The following ACTC1 variants were observed in gnomAD, a reference collection of about 807,000 sequenced individuals.
ACTC1 encodes the protein actin, alpha cardiac muscle 1.
ACTC1 carries 10 observed loss-of-function variants against 31.6 expected under a neutral mutation model. The ratio of observed to expected loss-of-function variants is 0.32; its 90% CI spans 0.19 to 0.54. The LOEUF (loss-of-function observed/expected upper bound fraction) is 0.54, where lower values mean the gene tolerates loss of function less well. Among genes scored for constraint, ACTC1 ranks in the 20% least tolerant of loss-of-function variants. The pLI, the probability that ACTC1 is intolerant of heterozygous loss-of-function variation, is 0.95. For synonymous variants in ACTC1, 196 were observed against 185.0 expected (o/e 1.06, Z -0.48); for missense variants, 129 against 506.4 (o/e 0.25, Z 7.15).
chr15:34,794,797 G>T lies in ACTC1; in HGVS notation c.12C>A (p.Asp4Glu), dbSNP rs768526036. 6.2e-7 allele frequency: 1 copy of T among 1,613,504 alleles called. No homozygotes were observed. The highest frequency in any genetic ancestry group is 8.5e-7 in the Non-Finnish European group (1 of 1,179,654). Residue 4 changes from aspartate (D) to glutamate (E), a missense_variant, in exon 2 of 7, where the codon GAC becomes GAA. Asp to Glu is a conservative substitution (Grantham distance 45, BLOSUM62 2). This residue lies in a region of ACTC1 where 11 missense variants were observed against 17.0 expected (regional missense o/e 0.65). Coordinates refer to ENST00000290378, the MANE Select transcript of ACTC1 (RefSeq NM_005159.5). MCD[D>E]EETTALVCDN... is the part of the protein sequence containing the mutation. ...CGCACACCAGGGCGGTGGTCTCCTC[G>T]TCGTCACACATCTTGGCACAGCTTC...
chr15:34,794,957 A>G (rs974079753), intron 1 of ACTC1, 127 bp from the exon 2 acceptor site: 8 of 887,300 alleles, frequency 9.0e-6, no homozygotes, highest in South Asian at 6.7e-5. Context: ...GGCGGGGAAC[A>G]CTCCTGCCAC....
chr15:34,795,266 C>T (rs1003464651), intron 1 of ACTC1, among the ~76,000 whole-genome samples: 1 of 152,034 alleles, frequency 6.6e-6, no homozygotes, highest in Non-Finnish European at 1.5e-5. Context: ...CCACAAAATT[C>T]CCCTTCTTAG....
rs2140428937 is a variant in ACTC1, at chr15:34,790,446, G to C, written c.1100C>G (p.Ala367Gly). The change falls in exon 7 of 7, where the codon GCA becomes GGA. Residue 367 changes from alanine (A) to glycine (G), a missense_variant. Around this residue, in one of 5 missense-constraint regions of ACTC1, gnomAD observed 44 missense variants for 127.4 expected, o/e 0.35. Coordinates refer to ENST00000290378, the MANE Select transcript of ACTC1 (RefSeq NM_005159.5). Reference sequence around the variant, plus strand: ...TTTGCGGTGGACAATGGATGGGCCTGCCTCATCGTACTCTTGCTTGCTAAT... The same window carrying C: ...TTTGCGGTGGACAATGGATGGGCCTCCCTCATCGTACTCTTGCTTGCTAAT... ...MWISKQEYDE[A>G]GPSIVHRKCF is the part of the protein sequence containing the mutation. 1 of 1,614,146 alleles carries C rather than the reference G, an allele frequency of 6.2e-7. No homozygotes were observed. Among genetic ancestry groups the C allele is most frequent in the Non-Finnish European group, 8.5e-7 (1 of 1,180,010 alleles).
rs1891760738 is a variant in ACTC1 at position 34,793,995 on chromosome 15, G to C, written c.130-426C>G. ...ACATTCAAGTGAACACATAATGATG[G>C]GCTGATATGCCATCCTCACTCCAAC... On this transcript the variant is annotated intron_variant, in intron 2 of 6. Coordinates refer to ENST00000290378, the MANE Select transcript of ACTC1 (RefSeq NM_005159.5). This position sits in a 1 kb window ranked among gnomAD's most constrained non-coding sequence, Gnocchi z 4.8. 6.6e-6 allele frequency among the ~76,000 whole-genome samples: 1 copy of C among 152,146 alleles called. No homozygotes were observed. The highest frequency in any genetic ancestry group is 6.5e-5 in the Admixed American group (1 of 15,276).
chr15:34,794,151 C>T (rs995033509), intron 2 of ACTC1, among the ~76,000 whole-genome samples: 4 of 152,134 alleles, frequency 2.6e-5, no homozygotes, highest in Admixed American at 1.3e-4. Context: ...TTTTAACAAA[C>T]GAGGTGGTAT....
In ACTC1 at chr15:34,795,536, C is replaced by G. The variant is rs891870510; in HGVS notation, c.-53G>C. On this transcript the variant is annotated 5_prime_UTR_variant, in exon 1 of 7. Transcript: ENST00000290378. ...GCGGGGCGGGTCGGCTCGGCTCCGGCGGCAGCGGGCTCTGGGTGGCTGGCT... is the reference window on the plus strand; with the variant it reads ...GCGGGGCGGGTCGGCTCGGCTCCGGGGGCAGCGGGCTCTGGGTGGCTGGCT... The G allele has an allele frequency of 6.6e-6, 1 of 152,430 alleles. No homozygotes were observed. Among genetic ancestry groups the G allele is most frequent in the Non-Finnish European group, 1.5e-5 (1 of 68,564 alleles). The allele number at this position is 152,430 out of a possible 1,614,324, so 9.4% of individuals were successfully genotyped here. A position where few individuals can be genotyped will look rare whatever the true frequency, so the allele number is the denominator to read the frequency against.
chr15:34,790,669 G>T, intron 6 of ACTC1, 114 bp from the exon 7 acceptor site: 1 of 1,228,102 alleles, frequency 8.1e-7, no homozygotes, highest in Non-Finnish European at 1.2e-6. Context: ...TCGCTATAAT[G>T]TGGGATATGT....
intron 6 of ACTC1, 68 bp downstream of exon 6, chr15:34,791,045 AT>A: frequency 7.0e-7 from 1 of 1,428,086 alleles, no homozygotes; most frequent in Admixed American, 2.0e-5. Context: ...GGGAAAAGGA[AT>A]TTGGAACGTA....
In ACTC1 at chr15:34,793,139, G is replaced by A. The variant is rs1264094259; in HGVS notation, c.454+106C>T. ...CTTAGCACAGACCTTGCTAGGGAAT[G>A]GGAGGAAAGGGATTATCCCTTTTTC... On this transcript the variant is annotated intron_variant, in intron 3 of 6. Transcript: ENST00000290378. The surrounding 1 kb of genome is among the most constrained non-coding windows in gnomAD (Gnocchi z 4.8). The A allele has an allele frequency of 3.4e-6, 4 of 1,167,494 alleles. No homozygotes were observed. Among genetic ancestry groups the A allele is most frequent in the East Asian group, 4.8e-5 (2 of 41,966 alleles). The allele number at this position is 1,167,494 out of a possible 1,614,324, so 72.3% of individuals were successfully genotyped here.
chr15:34,791,873 T>C (rs1306558714), intron 5 of ACTC1: 1 of 576,156 alleles, frequency 1.7e-6, no homozygotes. Context: ...ATCCTTTATT[T>C]TGAGATGAAC....
chr15:34,791,307 TCACACACACACA>T lies in ACTC1; in HGVS notation c.809-24_809-13del, dbSNP rs59431308. 18,001 of 1,308,750 alleles carry T rather than the reference TCACACACACACA, an allele frequency of 0.014. 105 individuals carry two copies. Among genetic ancestry groups the T allele is most frequent in the Admixed American group, 0.023 (1,318 of 56,226 alleles). The allele number at this position is 1,308,750 out of a possible 1,614,324, so 81.1% of individuals were successfully genotyped here. Reference sequence around the variant, plus strand: ...AGCAGATTCCATACCTGGGAACGAGTCACACACACACACACACACACACACACACACACACAC... The same window carrying T: ...AGCAGATTCCATACCTGGGAACGAGTCACACACACACACACACACACACAC... On this transcript the variant is annotated splice_polypyrimidine_tract_variant and intron_variant, in intron 5 of 6. Coordinates refer to ENST00000290378, the MANE Select transcript of ACTC1 (RefSeq NM_005159.5).
chr15:34,794,049 C>G (rs1891761977), intron 2 of ACTC1, among the ~76,000 whole-genome samples: 1 of 152,236 alleles, frequency 6.6e-6, no homozygotes, highest in Non-Finnish European at 1.5e-5. Flanking sequence ...CAGAGCTGTT[C>G]TGGAGTCATT....
Position 34,793,672 on chromosome 15 carries a change from A to C in ACTC1, c.130-103T>G, listed in dbSNP as rs542478705. 2 of 1,048,052 alleles carry C rather than the reference A, an allele frequency of 1.9e-6. No individual in the cohort carries two copies. The highest frequency in any genetic ancestry group is 4.1e-5 in the Admixed American group (2 of 48,414). The allele number at this position is 1,048,052 out of a possible 1,614,324, so 64.9% of individuals were successfully genotyped here. A position where few individuals can be genotyped will look rare whatever the true frequency, so the allele number is the denominator to read the frequency against. On this transcript the variant is annotated intron_variant, in intron 2 of 6. Transcript: ENST00000290378. The surrounding 1 kb of genome is among the most constrained non-coding windows in gnomAD (Gnocchi z 4.8). ...ACTGCCCAAGTCAAGGAACATATTTAAATACCAGAAATAACAAGCAATACG... is the reference window on the plus strand; with the variant it reads ...ACTGCCCAAGTCAAGGAACATATTTCAATACCAGAAATAACAAGCAATACG...
In ACTC1 at chr15:34,793,583, A is replaced by T. The variant is rs764168686; in HGVS notation, c.130-14T>A. 1 of 1,611,578 alleles carries T rather than the reference A, an allele frequency of 6.2e-7. No individual in the cohort carries two copies. The highest frequency in any genetic ancestry group is 8.5e-7 in the Non-Finnish European group (1 of 1,177,940). The stretch of plus-strand genomic sequence containing the variant: ...CACCATAACTCCCTATGAGAAGAAA[A>T]AATGAGAAAATCATGCTCTCACCAT... On this transcript the variant is annotated splice_polypyrimidine_tract_variant and intron_variant, in intron 2 of 6. Transcript: ENST00000290378. The surrounding 1 kb of genome is among the most constrained non-coding windows in gnomAD (Gnocchi z 4.8).
At position 34,791,307 on chromosome 15, in the gene ACTC1, T is replaced by TCACACACACACACACACACACA. The variant is rs59431308; in HGVS notation, c.809-34_809-13dup. On this transcript the variant is annotated splice_polypyrimidine_tract_variant and intron_variant, in intron 5 of 6. Transcript: ENST00000290378. ...AGCAGATTCCATACCTGGGAACGAG[T>TCACACACACACACACACACACA]CACACACACACACACACACACACAC... 1 of 1,096,476 alleles carries TCACACACACACACACACACACA rather than the reference T, an allele frequency of 9.1e-7. No homozygotes were observed. The highest frequency in any genetic ancestry group is 1.7e-5 in the African/African-American group (1 of 59,876). 67.9% of individuals were successfully genotyped at this position (1,096,476 alleles called of 1,614,324 possible). A position where few individuals can be genotyped will look rare whatever the true frequency, so the allele number is the denominator to read the frequency against.
chr15:34,790,505 G>T lies in ACTC1; in HGVS notation c.1041C>A (p.Ile347=). Residue 347 remains isoleucine (I), a synonymous_variant, in exon 7 of 7, where the codon ATC becomes ATA. Coordinates refer to ENST00000290378, the MANE Select transcript of ACTC1 (RefSeq NM_005159.5). Reference sequence around the variant, plus strand: ...GCTGGAAGGTGGACAGAGAGGCCAGGATGGAGCCCCCAATCCAGACAGAGT... The same window carrying T: ...GCTGGAAGGTGGACAGAGAGGCCAGTATGGAGCCCCCAATCCAGACAGAGT... ...RKYSVWIGGS[I]LASLSTFQQM... 6.2e-7 allele frequency: 1 copy of T among 1,614,126 alleles called. No homozygotes were observed. Among genetic ancestry groups the T allele is most frequent in the East Asian group, 2.2e-5 (1 of 44,878 alleles).
chr15:34,794,965 C>T (rs988614234), intron 1 of ACTC1, 135 bp from the exon 2 acceptor site: 5 of 873,714 alleles, frequency 5.7e-6, no homozygotes, highest in Non-Finnish European at 8.4e-6. Flanking sequence ...ACACTCCTGC[C>T]ACCTCCCTTC....
chr15:34,794,860 C>A (rs1463301404), intron 1 of ACTC1, 30 bp from the exon 2 acceptor site: 2 of 1,570,510 alleles, frequency 1.3e-6, no homozygotes, highest in Non-Finnish European at 1.7e-6. Context: ...GGGCGGACCA[C>A]GCTTAGCTGC....
chr15:34,794,478 G>T (rs148321492), intron 2 of ACTC1, among the ~76,000 whole-genome samples: 3 of 152,224 alleles, frequency 2.0e-5, no homozygotes, highest in African/African-American at 7.2e-5. Flanking sequence ...CCTTTTAGAG[G>T]CGTGCCACTC....
Sources: gnomAD v4.1 joint callset for allele counts (sites outside exome capture counted in the v4.1 genomes callset) on GRCh38, gnomAD v4.1.1 for gene constraint, gnomAD v4.1.1 regional missense constraint, Gnocchi (gnomAD v3.1) non-coding constraint, MANE v1.5 for transcripts, NCBI Gene and HGNC (gene_info 2026-07-23, HGNC 2026-07-21) for gene names.